The following CNTNAP3B variants were observed in gnomAD, a reference collection of about 807,000 sequenced individuals.
CNTNAP3B encodes contactin-associated protein-like 3B.
In CNTNAP3B, 25 loss-of-function variants were observed where a neutral mutation model predicts 108.9. That is an observed-to-expected ratio of 0.23 (90% CI 0.17 to 0.32). The LOEUF (loss-of-function observed/expected upper bound fraction) is 0.32, where lower values mean the gene tolerates loss of function less well. Among genes scored for constraint, CNTNAP3B ranks in the 10% least tolerant of loss-of-function variants. CNTNAP3B has a pLI of 1.00. For synonymous variants in CNTNAP3B, 103 were observed against 473.4 expected (o/e 0.22, Z 10.16); for missense variants, 252 against 1,210.4 (o/e 0.21, Z 11.75).
intron 1 of CNTNAP3B, among the ~76,000 whole-genome samples, chr9:42,124,170 G>A (rs1828518951): frequency 7.3e-6 from 1 of 136,638 alleles, no homozygotes; most frequent in South Asian, 2.4e-4. Context: ...AATCTCAAAT[G>A]TTTTTAGATT....
At chr9:42,075,189 C>T (rs902980246) in intron 3 of CNTNAP3B, among the ~76,000 whole-genome samples, 2 of 145,720 alleles carry the variant, frequency 1.4e-5, no homozygotes, top group Non-Finnish European at 3.0e-5. Flanking sequence ...TTGATGAGGA[C>T]ACCAGTCATA....
chr9:42,116,671 C>T (rs1254525021), intron 1 of CNTNAP3B, among the ~76,000 whole-genome samples: 1 of 139,578 alleles, frequency 7.2e-6, no homozygotes, highest in Non-Finnish European at 1.5e-5. Flanking sequence ...TCACACATAA[C>T]AATATTAACC....
At chr9:41,939,789 T>A (rs1348222910) in intron 13 of CNTNAP3B, among the ~76,000 whole-genome samples, 1 of 152,240 alleles carries the variant, frequency 6.6e-6, no homozygotes, top group African/African-American at 2.4e-5. Flanking sequence ...TTAGAAACAG[T>A]AACAAAAAGA....
chr9:41,980,731 A>G (rs1825613234), intron 9 of CNTNAP3B: 1 of 147,080 alleles, frequency 6.8e-6, no homozygotes, highest in African/African-American at 2.6e-5. Context: ...GAGGCATTGG[A>G]GGAACATACT....
chr9:42,067,990 T>C (rs1827310750), intron 3 of CNTNAP3B, among the ~76,000 whole-genome samples: 1 of 138,482 alleles, frequency 7.2e-6, no homozygotes. Flanking sequence ...TTTATCACTA[T>C]AGCCAAAGTT....
rs751488137 is a variant in CNTNAP3B at position 42,024,728 on chromosome 9, CAT to C, written c.391-11205_391-11204del. On this transcript the variant is annotated intron_variant, in intron 3 of 23. Transcript: ENST00000377561. ...GATTAAGATGAGGAAAAGAAACAGA[CAT>C]ATAAAGCTGTCTGCTTCCCAACTCA... Among the ~76,000 whole-genome samples the C allele has an allele frequency of 4.8e-5, 6 of 125,518 alleles. No homozygotes were observed. The East Asian group carries it at 1.7e-3, about 36-fold the overall frequency. The allele number at this position is 125,518 out of a possible 152,430, so 82.3% of individuals were successfully genotyped here. A position where few individuals can be genotyped will look rare whatever the true frequency, so the allele number is the denominator to read the frequency against.
intron 12 of CNTNAP3B, among the ~76,000 whole-genome samples, chr9:41,955,983 C>T (rs1824845195): frequency 6.6e-6 from 1 of 152,230 alleles, no homozygotes; most frequent in Admixed American, 6.5e-5. Flanking sequence ...ACACTTAAAT[C>T]AGCCCACAGT....
intron 18 of CNTNAP3B, among the ~76,000 whole-genome samples, chr9:41,915,931 C>A (rs1301935680): frequency 6.6e-6 from 1 of 151,288 alleles, no homozygotes; most frequent in African/African-American, 2.4e-5. Context: ...TATATCTTAT[C>A]AATAATCTGC....
At chr9:41,931,391 G>T (rs1823973840) in intron 14 of CNTNAP3B, among the ~76,000 whole-genome samples, 1 of 152,214 alleles carries the variant, frequency 6.6e-6, no homozygotes, top group Non-Finnish European at 1.5e-5. Flanking sequence ...AATTTCTCTA[G>T]TTCTATCAAA....
intron 2 of CNTNAP3B, among the ~76,000 whole-genome samples, chr9:42,100,365 C>G (rs1276395089): frequency 5.6e-5 from 2 of 35,550 alleles, no homozygotes; most frequent in African/African-American, 1.3e-4. Flanking sequence ...AAGAGTTTAT[C>G]TTACACTCAT....
intron 2 of CNTNAP3B, among the ~76,000 whole-genome samples, chr9:42,087,207 T>A (rs1353016014): frequency 6.4e-5 from 9 of 139,622 alleles, no homozygotes; most frequent in African/African-American, 1.7e-4. Context: ...GTCTTTTAGA[T>A]TTCTAGATTT....
intron 3 of CNTNAP3B, among the ~76,000 whole-genome samples, chr9:42,029,606 C>A (rs1377631776): frequency 8.2e-6 from 1 of 122,342 alleles, no homozygotes; most frequent in East Asian, 2.7e-4. Context: ...TCTCGGCTCA[C>A]CACAACCTCT....
chr9:42,054,182 T>C (rs1827012869), intron 3 of CNTNAP3B, among the ~76,000 whole-genome samples: 2 of 87,802 alleles, frequency 2.3e-5, no homozygotes, highest in South Asian at 7.1e-4. Flanking sequence ...TGTGTGTGTT[T>C]GCACACACTC....
chr9:42,015,025 C>CTTT (rs761938709), intron 3 of CNTNAP3B, among the ~76,000 whole-genome samples: 2 of 11,212 alleles, frequency 1.8e-4, no homozygotes, highest in African/African-American at 3.2e-4. Context: ...ATCATTTCAC[C>CTTT]TTTTTTTTTT....
At position 42,111,253 on chromosome 9, in the gene CNTNAP3B, A is replaced by C. The variant is rs1465518985; in HGVS notation, c.86-6514T>G. Among the ~76,000 whole-genome samples, 2 of 139,674 alleles carry C rather than the reference A, an allele frequency of 1.4e-5. 1 individual carries two copies. Among genetic ancestry groups the C allele is most frequent in the Non-Finnish European group, 3.1e-5 (2 of 65,040 alleles). The allele number at this position is 139,674 out of a possible 152,430, so 91.6% of individuals were successfully genotyped here. A position where few individuals can be genotyped will look rare whatever the true frequency, so the allele number is the denominator to read the frequency against. ...GGGACTTTCGGCTTGAACTCTTGGG[A>C]GAAATACCCATTCATTCATTCAACA... is the stretch of plus-strand genomic sequence containing the variant. On this transcript the variant is annotated intron_variant, in intron 1 of 23. Coordinates refer to ENST00000377561, the MANE Select transcript of CNTNAP3B (RefSeq NM_001201380.3).
At chr9:41,949,632 GC>G in intron 13 of CNTNAP3B, among the ~76,000 whole-genome samples, 1 of 151,568 alleles carries the variant, frequency 6.6e-6, no homozygotes, top group South Asian at 2.1e-4. Flanking sequence ...AGGAAGGATA[GC>G]CTTTTCAACA....
Position 42,038,576 on chromosome 9 carries a change from C to A in CNTNAP3B, c.391-25051G>T, listed in dbSNP as rs1381524880. ...AAAGGGACCAATTCAACAAGAACAG[C>A]TAACTATCCTAAACATATATGCACC... On this transcript the variant is annotated intron_variant, in intron 3 of 23. Transcript: ENST00000377561. 3.2e-5 allele frequency among the ~76,000 whole-genome samples: 4 copies of A among 123,106 alleles called. 1 individual carries two copies. Among genetic ancestry groups the A allele is most frequent in the Non-Finnish European group, 6.8e-5 (4 of 58,830 alleles). 80.8% of individuals were successfully genotyped at this position (123,106 alleles called of 152,430 possible). A position where few individuals can be genotyped will look rare whatever the true frequency, so the allele number is the denominator to read the frequency against.
At chr9:41,962,302 G>A (rs1255047566) in intron 11 of CNTNAP3B, among the ~76,000 whole-genome samples, 2 of 152,270 alleles carry the variant, frequency 1.3e-5, no homozygotes, top group South Asian at 4.1e-4. Flanking sequence ...TGTGGGCTTG[G>A]CAAATTTCTA....
At chr9:41,956,345 C>T (rs537065828) in intron 12 of CNTNAP3B, among the ~76,000 whole-genome samples, 77 of 151,954 alleles carry the variant, frequency 5.1e-4, no homozygotes, top group Middle Eastern at 3.4e-3. Context: ...GAGATCGTGC[C>T]ACTGTACTCC....
Sources: gnomAD v4.1 joint callset for allele counts (sites outside exome capture counted in the v4.1 genomes callset) on GRCh38, gnomAD v4.1.1 for gene constraint, MANE v1.5 for transcripts, NCBI Gene and HGNC (gene_info 2026-07-23, HGNC 2026-07-21) for gene names.